The following EPS15L1 variants were observed in gnomAD, a reference collection of about 807,000 sequenced individuals.
The protein encoded by EPS15L1 is epidermal growth factor receptor substrate 15-like 1.
A neutral mutation model predicts 117.1 loss-of-function variants in EPS15L1; 43 were observed. That is an observed-to-expected ratio of 0.37 (90% CI 0.29 to 0.47). The LOEUF (loss-of-function observed/expected upper bound fraction) is 0.47. Ranked by LOEUF, EPS15L1 falls within the 20% of genes least tolerant of loss-of-function variation. The probability of loss-of-function intolerance (pLI) is 0.99; values close to 1 mark genes in which losing one functional copy is unlikely to be tolerated. For synonymous variants in EPS15L1, 459 were observed against 470.5 expected, an observed-to-expected ratio of 0.98 and a Z score of 0.32; for missense variants, 981 against 1,164.0, an observed-to-expected ratio of 0.84 and a Z score of 2.29.
intron 8 of EPS15L1, among the ~76,000 whole-genome samples, chr19:16,425,571 T>C (rs1262080062): frequency 6.6e-6 from 1 of 152,168 alleles, no homozygotes; most frequent in East Asian, 1.9e-4. Flanking sequence ...TCCATATGCA[T>C]CCCTTCACCA....
Position 16,381,674 on chromosome 19 carries a change from G to C in EPS15L1, c.2247+3455C>G, listed in dbSNP as rs2092364212. On this transcript the variant is annotated intron_variant, in intron 21 of 23. Transcript: ENST00000455140. This position sits in a 1 kb window ranked among gnomAD's most constrained non-coding sequence, Gnocchi z 4.2. ...CATCTGCTGCCCCAGTTGTCCCCAGGCCTGTCCGAGACATGAGGGGCAGTG... is the reference window on the plus strand; with the variant it reads ...CATCTGCTGCCCCAGTTGTCCCCAGCCCTGTCCGAGACATGAGGGGCAGTG... 6.6e-6 allele frequency among the ~76,000 whole-genome samples: 1 copy of C among 152,218 alleles called. No homozygotes were observed. Among genetic ancestry groups the C allele is most frequent in the Admixed American group, 6.5e-5 (1 of 15,282 alleles).
chr19:16,436,933 T>C lies in EPS15L1; in HGVS notation c.372+4A>G. ...CAAGGAGGGAGCTATTCCCGTTCAC[T>C]TACCCTCACAGCCCAGTGGGCCTCT... On this transcript the variant is annotated splice_donor_region_variant and intron_variant, in intron 6 of 23. Transcript: ENST00000455140. 1 of 1,612,236 alleles carries C rather than the reference T, an allele frequency of 6.2e-7. No individual in the cohort carries two copies. The highest frequency in any genetic ancestry group is 1.1e-5 in the South Asian group (1 of 91,016).
chr19:16,435,051 C>G (rs1331253647), intron 6 of EPS15L1: 1 of 151,476 alleles, frequency 6.6e-6, no homozygotes, highest in Non-Finnish European at 1.5e-5. Flanking sequence ...TCAAGCAATT[C>G]TCGTGCCTCA....
chr19:16,371,221 A>G lies in EPS15L1; in HGVS notation c.2380+5901T>C, dbSNP rs1156731310. Among the ~76,000 whole-genome samples, 1 of 152,060 alleles carries G rather than the reference A, an allele frequency of 6.6e-6. No individual in the cohort carries two copies. The highest frequency in any genetic ancestry group is 6.5e-5 in the Admixed American group (1 of 15,268). On this transcript the variant is annotated intron_variant, in intron 22 of 23. Transcript: ENST00000455140. The surrounding 1 kb of genome is among the most constrained non-coding windows in gnomAD (Gnocchi z 4.7). Reference sequence around the variant, plus strand: ...TTTCGATGTTGGCCTGGCATTTCAGAGAAGTGGGAGAGCTGGCAGCACTTA... The same window carrying G: ...TTTCGATGTTGGCCTGGCATTTCAGGGAAGTGGGAGAGCTGGCAGCACTTA...
intron 22 of EPS15L1, among the ~76,000 whole-genome samples, chr19:16,368,298 A>C (rs542633977): frequency 3.2e-4 from 48 of 152,264 alleles, no homozygotes; most frequent in Non-Finnish European, 5.6e-4. Context: ...CAGTGGACGC[A>C]CACATACAAC....
At chr19:16,408,538 C>A (rs2092678651) in intron 13 of EPS15L1, among the ~76,000 whole-genome samples, 2 of 151,796 alleles carry the variant, frequency 1.3e-5, no homozygotes, top group Admixed American at 1.3e-4. Context: ...CACGCATCTG[C>A]ATTCTCAGCT....
intron 1 of EPS15L1, among the ~76,000 whole-genome samples, chr19:16,450,456 AG>A (rs2093129152): frequency 6.9e-6 from 1 of 145,014 alleles, no homozygotes; most frequent in African/African-American, 2.6e-5. Context: ...GGAGGCCGTG[AG>A]CCCCAGGCAT....
intron 1 of EPS15L1, among the ~76,000 whole-genome samples, chr19:16,453,043 G>A (rs571037783): frequency 6.6e-6 from 1 of 151,964 alleles, no homozygotes; most frequent in Admixed American, 6.6e-5. Flanking sequence ...CTCATGATCT[G>A]CCCGCCTCGG....
At chr19:16,441,059 A>G (rs926830099) in intron 3 of EPS15L1, 150 bp from the exon 4 acceptor site, 4 of 780,232 alleles carry the variant, frequency 5.1e-6, no homozygotes, top group African/African-American at 5.1e-5. Flanking sequence ...GCCAATTCAG[A>G]GCAGGTGAAT....
intron 6 of EPS15L1, among the ~76,000 whole-genome samples, chr19:16,435,657 G>A (rs1171573040): frequency 1.6e-5 from 2 of 124,906 alleles, no homozygotes; most frequent in East Asian, 3.6e-4. Context: ...GGTCTTTCTC[G>A]GGGGCCTGGG....
chr19:16,395,139 G>A (rs764818877), intron 17 of EPS15L1, among the ~76,000 whole-genome samples: 22 of 150,086 alleles, frequency 1.5e-4, no homozygotes, highest in Non-Finnish European at 2.7e-4. Flanking sequence ...AGGTTGCAGT[G>A]AGCCGAGATT....
intron 1 of EPS15L1, among the ~76,000 whole-genome samples, chr19:16,445,365 C>T (rs1478819026): frequency 6.6e-6 from 1 of 152,212 alleles, no homozygotes; most frequent in African/African-American, 2.4e-5. Flanking sequence ...TGCTCATCAC[C>T]ACGGGAGTCC....
chr19:16,467,446 G>C (rs117196542), intron 1 of EPS15L1, among the ~76,000 whole-genome samples: 1 of 152,024 alleles, frequency 6.6e-6, no homozygotes, highest in East Asian at 1.9e-4. Flanking sequence ...CACTGCACCC[G>C]GCCTGGAAAG....
chr19:16,441,365 G>A (rs912505076), intron 3 of EPS15L1: 10 of 201,500 alleles, frequency 5.0e-5, no homozygotes, highest in African/African-American at 1.6e-4. Context: ...CCAGCTACTC[G>A]GGAGGCTGAG....
chr19:16,367,497 T>TAAAAA lies in EPS15L1; in HGVS notation c.2381-5518_2381-5514dup, dbSNP rs71178691. 7.4e-4 allele frequency among the ~76,000 whole-genome samples: 48 copies of TAAAAA among 65,304 alleles called. 1 individual carries two copies. Among genetic ancestry groups the TAAAAA allele is most frequent in the African/African-American group, 1.5e-3 (23 of 15,084 alleles). 42.8% of individuals were successfully genotyped at this position (65,304 alleles called of 152,430 possible). ...AATGGTTTACCACAGTATGTGCTGT[T>TAAAAA]AAAAAAAAAAAAAAAAAAAAAAAAA... On this transcript the variant is annotated intron_variant, in intron 22 of 23. Transcript: ENST00000455140.
At position 16,370,026 on chromosome 19, in the gene EPS15L1, C is replaced by T. The variant is rs548549779; in HGVS notation, c.2380+7096G>A. On this transcript the variant is annotated intron_variant, in intron 22 of 23. Coordinates refer to ENST00000455140, the MANE Select transcript of EPS15L1 (RefSeq NM_001258374.3). The surrounding 1 kb of genome is among the most constrained non-coding windows in gnomAD (Gnocchi z 5.2). ...GCCACCTCTGCAAAGGGTAGGAAGG[C>T]GCCTTGCCCACATGTAACAAGATCC... Among the ~76,000 whole-genome samples the T allele has an allele frequency of 6.6e-6, 1 of 152,134 alleles. No individual in the cohort carries two copies. Among genetic ancestry groups the T allele is most frequent in the African/African-American group, 2.4e-5 (1 of 41,438 alleles).
At chr19:16,465,378 C>A (rs1477490054) in intron 1 of EPS15L1, among the ~76,000 whole-genome samples, 2 of 152,110 alleles carry the variant, frequency 1.3e-5, no homozygotes, top group Non-Finnish European at 2.9e-5. Flanking sequence ...GCAGGGAAAC[C>A]TTTGGATTCT....
At chr19:16,399,549 G>C (rs1377141673) in intron 16 of EPS15L1, among the ~76,000 whole-genome samples, 1 of 152,156 alleles carries the variant, frequency 6.6e-6, no homozygotes, top group Non-Finnish European at 1.5e-5. Flanking sequence ...GGGTGTGCTG[G>C]GAATCAGTTC....
rs1165499679 is a variant in EPS15L1 at position 16,400,229 on chromosome 19, C to T, written c.1791+2092G>A. Among the ~76,000 whole-genome samples the T allele has an allele frequency of 5.9e-5, 9 of 151,332 alleles. No individual in the cohort carries two copies. In the South Asian group the frequency reaches 8.4e-4, roughly 14 times the overall value. ...GCACGTGCCTGTAATCTCTGCTACT[C>T]GGGAGGCTGAGGCAGGAGAATCACT... On this transcript the variant is annotated intron_variant, in intron 16 of 23. Transcript: ENST00000455140.
Sources: gnomAD v4.1 joint callset for allele counts (sites outside exome capture counted in the v4.1 genomes callset) on GRCh38, gnomAD v4.1.1 for gene constraint, Gnocchi (gnomAD v3.1) non-coding constraint, MANE v1.5 for transcripts, NCBI Gene and HGNC (gene_info 2026-07-23, HGNC 2026-07-21) for gene names.